Variants in SH3D21 observed in about 807,000 individuals in gnomAD.
The protein encoded by SH3D21 is SH3 domain-containing protein 21.
In SH3D21, 83 loss-of-function variants were observed where a neutral mutation model predicts 82.1. That is an observed-to-expected ratio of 1.01 (90% confidence interval 0.85 to 1.21). The LOEUF (loss-of-function observed/expected upper bound fraction) is 1.21, where lower values mean the gene tolerates loss of function less well. SH3D21 is among the 50% of genes most tolerant of loss of function. SH3D21 has a pLI of 0.00. For synonymous variants in SH3D21, 383 were observed against 387.8 expected (o/e 0.99, Z 0.15); for missense variants, 980 against 962.1 (o/e 1.02, Z -0.25).
chr1:36,308,726 G>C (rs920481761), intron 9 of SH3D21, among the ~76,000 whole-genome samples: 3 of 152,188 alleles, frequency 2.0e-5, no homozygotes, highest in Non-Finnish European at 2.9e-5. Flanking sequence ...GCTCACGCCT[G>C]TAATCCCAGC....
chr1:36,326,733 C>T (rs1259208632), downstream of SH3D21, among the ~76,000 whole-genome samples: 3 of 152,020 alleles, frequency 2.0e-5, no homozygotes, highest in East Asian at 1.9e-4. Flanking sequence ...GGTGGAGAGG[C>T]GAGAGGGCTC....
chr1:36,314,893 G>T (rs1035268204), intron 10 of SH3D21, among the ~76,000 whole-genome samples: 1 of 152,106 alleles, frequency 6.6e-6, no homozygotes, highest in Non-Finnish European at 1.5e-5. Context: ...AACTTAGCCA[G>T]TTAAGCTGCT....
downstream of SH3D21, among the ~76,000 whole-genome samples, chr1:36,326,256 A>G: frequency 1.4e-5 from 2 of 140,506 alleles, no homozygotes; most frequent in African/African-American, 2.7e-5. Context: ...TTTGAGACGG[A>G]GTTTCACTCT....
At chr1:36,314,890 C>G (rs1057376599) in intron 10 of SH3D21, among the ~76,000 whole-genome samples, 1 of 152,106 alleles carries the variant, frequency 6.6e-6, no homozygotes. Flanking sequence ...TTCAACTTAG[C>G]CAGTTAAGCT....
Position 36,321,201 on chromosome 1 carries a change from C to T in SH3D21, c.*74C>T. The stretch of plus-strand genomic sequence containing the variant: ...CGTCCTTGCACACGACTTTGGGAAA[C>T]GCGAGAAAGTAAACTCTGCCTAGCA... On this transcript the variant is annotated 3_prime_UTR_variant, in exon 16 of 16. Coordinates refer to ENST00000453908, the MANE Select transcript of SH3D21 (RefSeq NM_001162530.2). The surrounding 1 kb of genome is among the most constrained non-coding windows in gnomAD (Gnocchi z 6.1). 1.3e-6 allele frequency: 2 copies of T among 1,553,732 alleles called. No individual in the cohort carries two copies. Among genetic ancestry groups the T allele is most frequent in the East Asian group, 2.4e-5 (1 of 42,060 alleles).
Position 36,307,141 on chromosome 1 carries a change from G to GCTCAGCCGC in SH3D21, c.227-25_227-17dup. 1 of 1,551,080 alleles carries GCTCAGCCGC rather than the reference G, an allele frequency of 6.4e-7. No homozygotes were observed. Among genetic ancestry groups the GCTCAGCCGC allele is most frequent in the Non-Finnish European group, 8.7e-7 (1 of 1,146,736 alleles). On this transcript the variant is annotated intron_variant, in intron 3 of 15. Coordinates refer to ENST00000453908, the MANE Select transcript of SH3D21 (RefSeq NM_001162530.2). This position sits in a 1 kb window ranked among gnomAD's most constrained non-coding sequence, Gnocchi z 5.4. Reference sequence around the variant, plus strand: ...CCTCTGACTGGGGCGTCCGACTGGAGCTCAGCCGCGCTTGTCCGGTGCTAG... The same window carrying GCTCAGCCGC: ...CCTCTGACTGGGGCGTCCGACTGGAGCTCAGCCGCCTCAGCCGCGCTTGTCCGGTGCTAG...
chr1:36,310,209 C>T (rs1353015789), intron 10 of SH3D21, among the ~76,000 whole-genome samples: 2 of 152,218 alleles, frequency 1.3e-5, no homozygotes, highest in Non-Finnish European at 2.9e-5. Context: ...CCGCCTCAGC[C>T]TCCCAAAGTG....
intron 12 of SH3D21, 55 bp from the exon 13 acceptor site, chr1:36,319,387 G>A (rs1399585893): frequency 6.4e-7 from 1 of 1,550,460 alleles, no homozygotes. Flanking sequence ...GGACAGAGGT[G>A]GGAAGAGACT....
Position 36,307,971 on chromosome 1 carries a change from C to G in SH3D21, c.538+8C>G, listed in dbSNP as rs1354165204. 1 of 1,551,650 alleles carries G rather than the reference C, an allele frequency of 6.4e-7. No homozygotes were observed. On this transcript the variant is annotated splice_region_variant and intron_variant, in intron 7 of 15. Transcript: ENST00000453908. This position sits in a 1 kb window ranked among gnomAD's most constrained non-coding sequence, Gnocchi z 5.4. Reference sequence around the variant, plus strand: ...CAGACTACCTGCAGACAGGTGAGCACCCATCCAAAGGGTCCCCCACTCCCT... The same window carrying G: ...CAGACTACCTGCAGACAGGTGAGCAGCCATCCAAAGGGTCCCCCACTCCCT...
In SH3D21 at chr1:36,319,448, A is replaced by G. The variant is rs372178334; in HGVS notation, c.923A>G (p.Asn308Ser). 181 of 1,551,586 alleles carry G rather than the reference A, an allele frequency of 1.2e-4. No individual in the cohort carries two copies. Among genetic ancestry groups the G allele is most frequent in the Admixed American group, 6.1e-4 (31 of 50,990 alleles). Residue 308 changes from asparagine to serine, a missense_variant, in exon 13 of 16, where the codon AAT becomes AGT. By Grantham distance (46) the Asn-to-Ser change is conservative. Coordinates refer to ENST00000453908, the MANE Select transcript of SH3D21 (RefSeq NM_001162530.2). ...TGAGGTTCTGCTCTCTTAGGCCCCA[A>G]TGGTGGCTTCCAAAGTGGGGGTTCG... ...QKLTSRDSGP[N>S]GGFQSGGSYH...
downstream of SH3D21, chr1:36,321,813 C>T (rs1299092856): frequency 8.9e-6 from 9 of 1,009,260 alleles, no homozygotes; most frequent in Non-Finnish European, 1.1e-5. The surrounding 1 kb of genome is among the most constrained non-coding windows in gnomAD (Gnocchi z 6.1). Flanking sequence ...AATGCGCGCG[C>T]GCTTGCTCTG....
chr1:36,307,372 G>T lies in SH3D21; in HGVS notation c.345+87G>T. ...CGGGGTGGGAAGTGAGGGTGTGGAC[G>T]GTGGGAATGGCGACGGTGCAGATAC... On this transcript the variant is annotated intron_variant, in intron 4 of 15. Transcript: ENST00000453908. This position sits in a 1 kb window ranked among gnomAD's most constrained non-coding sequence, Gnocchi z 5.4. The T allele has an allele frequency of 6.6e-7, 1 of 1,525,336 alleles. No individual in the cohort carries two copies. The highest frequency in any genetic ancestry group is 8.9e-7 in the Non-Finnish European group (1 of 1,126,644). 94.5% of individuals were successfully genotyped at this position (1,525,336 alleles called of 1,614,324 possible). A position where few individuals can be genotyped will look rare whatever the true frequency, so the allele number is the denominator to read the frequency against.
chr1:36,320,029 T>C lies in SH3D21; in HGVS notation c.1366T>C (p.Ser456Pro). Residue 456 changes from serine to proline, a missense_variant, in exon 14 of 16, where the codon TCC becomes CCC. Physicochemically the swap from Ser to Pro is moderately conservative, Grantham distance 74. Transcript: ENST00000453908. The part of the protein sequence containing the change: ...TPERVFSVEE[S>P]PALEAPPMDK... ...AGAGAGGGTCTTTTCAGTGGAAGAG[T>C]CCCCTGCCCTAGAAGCCCCACCTAT... 3 of 1,613,346 alleles carry C rather than the reference T, an allele frequency of 1.9e-6. No individual in the cohort carries two copies. Among genetic ancestry groups the C allele is most frequent in the Non-Finnish European group, 2.5e-6 (3 of 1,179,886 alleles).
downstream of SH3D21, chr1:36,328,954 G>A (rs1016067054): frequency 1.3e-5 from 2 of 152,324 alleles, no homozygotes; most frequent in Non-Finnish European, 2.9e-5. Flanking sequence ...GCGAGGTTAA[G>A]CAGTGCCTGT....
chr1:36,315,395 G>T (rs1194516973), intron 10 of SH3D21, among the ~76,000 whole-genome samples: 1 of 152,024 alleles, frequency 6.6e-6, no homozygotes, highest in Non-Finnish European at 1.5e-5. Context: ...TGTCTCCCAG[G>T]CTGGAGTGTA....
chr1:36,321,484 C>A (rs1028797125), downstream of SH3D21: 6 of 906,266 alleles, frequency 6.6e-6, no homozygotes, highest in African/African-American at 8.7e-5. The surrounding 1 kb of genome is among the most constrained non-coding windows in gnomAD (Gnocchi z 6.1). Context: ...TGACGCCCGG[C>A]CTAGATTCCG....
chr1:36,314,492 G>A (rs1332695703), intron 10 of SH3D21, among the ~76,000 whole-genome samples: 2 of 133,106 alleles, frequency 1.5e-5, no homozygotes, highest in Non-Finnish European at 3.1e-5. Context: ...GTCTTGCTCT[G>A]TCACCCAGGC....
downstream of SH3D21, among the ~76,000 whole-genome samples, chr1:36,326,059 G>A (rs1236289785): frequency 1.3e-5 from 2 of 152,134 alleles, no homozygotes; most frequent in Non-Finnish European, 2.9e-5. Context: ...TAAGGAGGAG[G>A]CAGCTGTGCC....
At chr1:36,325,457 G>C (rs751239097), downstream of SH3D21, among the ~76,000 whole-genome samples, 18 of 152,190 alleles carry the variant, frequency 1.2e-4, no homozygotes, top group Non-Finnish European at 2.4e-4. Flanking sequence ...TTACATCAAG[G>C]ACTTGAGGAT....
Sources: allele counts gnomAD v4.1 joint callset (sites outside exome capture counted in the v4.1 genomes callset), GRCh38; gene constraint gnomAD v4.1.1; non-coding constraint Gnocchi (gnomAD v3.1); transcripts MANE v1.5; gene names NCBI Gene and HGNC (gene_info 2026-07-23, HGNC 2026-07-21).